The following SHISA9 variants were observed in gnomAD, a reference collection of about 807,000 sequenced individuals.
SHISA9 encodes the protein protein shisa-9.
In SHISA9, 13 loss-of-function variants were observed where a neutral mutation model predicts 38.0. The observed-to-expected ratio is 0.34, with a 90% CI of 0.22 to 0.54. The LOEUF is 0.54. Among genes scored for constraint, SHISA9 ranks in the 20% least tolerant of loss-of-function variants. The pLI is 0.91. For synonymous variants in SHISA9, 275 were observed against 242.0 expected, an observed-to-expected ratio of 1.14 and a Z score of -1.27; for missense variants, 538 against 575.8, an observed-to-expected ratio of 0.93 and a Z score of 0.67.
chr16:13,310,865 G>A, the SHISA9 span, among the ~76,000 whole-genome samples: 1 of 151,854 alleles, frequency 6.6e-6, no homozygotes, highest in Admixed American at 6.6e-5. Context: ...TGTATTTTTA[G>A]TAGAGACGGG....
At chr16:12,992,554 C>A (rs1004461398) in intron 2 of SHISA9, among the ~76,000 whole-genome samples, 3 of 151,616 alleles carry the variant, frequency 2.0e-5, no homozygotes, top group Non-Finnish European at 4.4e-5. Context: ...AAAACAAAAA[C>A]AAAAAACCCA....
intron 2 of SHISA9, among the ~76,000 whole-genome samples, chr16:13,059,532 G>A (rs987322450): frequency 1.3e-5 from 2 of 152,128 alleles, no homozygotes; most frequent in Non-Finnish European, 2.9e-5. Flanking sequence ...CAGGTGGGGA[G>A]GGAGAGCATC....
chr16:12,919,087 A>C (rs1224383450), intron 2 of SHISA9, among the ~76,000 whole-genome samples: 5 of 152,210 alleles, frequency 3.3e-5, no homozygotes, highest in Admixed American at 2.6e-4. Context: ...AGATGATTTG[A>C]GGAGTGCATT....
At chr16:13,555,278 G>GTT in the SHISA9 span, among the ~76,000 whole-genome samples, 1 of 151,338 alleles carries the variant, frequency 6.6e-6, no homozygotes, top group Non-Finnish European at 1.5e-5. Context: ...GTACAAAACT[G>GTT]TATCATGAAC....
At chr16:13,106,780 A>T (rs943923623) in intron 2 of SHISA9, among the ~76,000 whole-genome samples, 3 of 152,192 alleles carry the variant, frequency 2.0e-5, no homozygotes, top group African/African-American at 7.2e-5. Flanking sequence ...TTCTGAGATG[A>T]TAAGTACAAT....
chr16:13,527,911 G>T, the SHISA9 span, among the ~76,000 whole-genome samples: 3 of 152,142 alleles, frequency 2.0e-5, no homozygotes, highest in African/African-American at 7.2e-5. Context: ...TTCAGGAAAC[G>T]TGATAGAAAA....
the SHISA9 span, among the ~76,000 whole-genome samples, chr16:13,282,175 T>A: frequency 1.3e-5 from 2 of 152,030 alleles, no homozygotes; most frequent in Admixed American, 6.6e-5. Context: ...TTTCTTCTCA[T>A]GCAGGCATGC....
chr16:13,094,522 T>G (rs996924147), intron 2 of SHISA9, among the ~76,000 whole-genome samples: 3 of 152,180 alleles, frequency 2.0e-5, no homozygotes, highest in Non-Finnish European at 4.4e-5. Context: ...GTGCCTAAAA[T>G]AGAAAAACTT....
chr16:13,030,659 A>T (rs1567188360), intron 2 of SHISA9, among the ~76,000 whole-genome samples: 1 of 152,220 alleles, frequency 6.6e-6, no homozygotes, highest in Non-Finnish European at 1.5e-5. Context: ...TTACAGCAAC[A>T]TTGTATAGTG....
chr16:13,479,813 T>G, the SHISA9 span, among the ~76,000 whole-genome samples: 2 of 152,322 alleles, frequency 1.3e-5, no homozygotes, highest in South Asian at 4.1e-4. Flanking sequence ...TCAGTTCTAT[T>G]CCCTTTGTCA....
chr16:13,147,280 G>C (rs771998347), intron 2 of SHISA9, among the ~76,000 whole-genome samples: 1 of 152,048 alleles, frequency 6.6e-6, no homozygotes. Flanking sequence ...GCTGTGGGGA[G>C]CCACTGAATA....
At chr16:13,454,857 C>A in the SHISA9 span, among the ~76,000 whole-genome samples, 1 of 152,304 alleles carries the variant, frequency 6.6e-6, no homozygotes, top group Admixed American at 6.5e-5. Flanking sequence ...ATGTGGCTTC[C>A]TTCATTACAA....
intron 2 of SHISA9, among the ~76,000 whole-genome samples, chr16:13,159,812 AG>A (rs1596690773): frequency 6.6e-6 from 1 of 152,180 alleles, no homozygotes; most frequent in African/African-American, 2.4e-5. Flanking sequence ...TTAATTCCGC[AG>A]AAACTTCTGC....
chr16:13,533,922 T>C, the SHISA9 span, among the ~76,000 whole-genome samples: 1 of 151,970 alleles, frequency 6.6e-6, no homozygotes, highest in Non-Finnish European at 1.5e-5. Context: ...TAGCTGGGAC[T>C]ACAGGCGCCT....
the SHISA9 span, among the ~76,000 whole-genome samples, chr16:13,459,177 A>C: frequency 6.6e-6 from 1 of 152,144 alleles, no homozygotes; most frequent in Non-Finnish European, 1.5e-5. Context: ...GAATGAGAAA[A>C]AAATTATTGA....
At chr16:13,293,795 A>T in the SHISA9 span, among the ~76,000 whole-genome samples, 2 of 152,174 alleles carry the variant, frequency 1.3e-5, no homozygotes, top group Non-Finnish European at 1.5e-5. Context: ...CAGAATGAAC[A>T]CTCAAAGCAA....
the SHISA9 span, among the ~76,000 whole-genome samples, chr16:13,280,219 T>C: frequency 6.6e-6 from 1 of 150,710 alleles, no homozygotes; most frequent in East Asian, 1.9e-4. Flanking sequence ...ATTTTCTCTA[T>C]TATTCCCTTG....
At chr16:13,144,923 C>G (rs968951549) in intron 2 of SHISA9, among the ~76,000 whole-genome samples, 9 of 152,102 alleles carry the variant, frequency 5.9e-5, no homozygotes, top group African/African-American at 2.2e-4. Flanking sequence ...GGAGGTTAGG[C>G]AAAGTAAACA....
intron 2 of SHISA9, among the ~76,000 whole-genome samples, chr16:13,070,982 C>G (rs903329872): frequency 1.3e-5 from 2 of 152,266 alleles, no homozygotes; most frequent in Middle Eastern, 3.4e-3. Flanking sequence ...CTTGACCTGC[C>G]TGGTTCTTCT....
Sources: gnomAD v4.1 joint callset for allele counts (sites outside exome capture counted in the v4.1 genomes callset) on GRCh38, gnomAD v4.1.1 for gene constraint, MANE v1.5 for transcripts, NCBI Gene and HGNC (gene_info 2026-07-23, HGNC 2026-07-21) for gene names.